TULP4: variants seen among roughly 807,000 people sequenced by gnomAD.
The protein encoded by TULP4 is TUB like protein 4, also known as tubby-related protein 4.
TULP4 carries 16 observed loss-of-function variants against 129.0 expected under a neutral mutation model. The observed-to-expected ratio is 0.12, with a 90% confidence interval of 0.08 to 0.19. The LOEUF is 0.19. TULP4 is among the 10% of genes least tolerant of loss of function. The pLI, the probability that TULP4 is intolerant of heterozygous loss-of-function variation, is 1.00. For synonymous variants in TULP4, 998 were observed against 854.0 expected (o/e 1.17, Z -2.94); for missense variants, 1,842 against 2,059.1 (o/e 0.89, Z 2.04).
intron 6 of TULP4, among the ~76,000 whole-genome samples, chr6:158,467,596 A>G (rs1308513406): frequency 6.6e-6 from 1 of 152,076 alleles, no homozygotes; most frequent in Non-Finnish European, 1.5e-5. Context: ...TTCCCTTTTA[A>G]ACTGTTCTTC....
At chr6:158,495,148 G>A (rs1398407063) in intron 11 of TULP4, among the ~76,000 whole-genome samples, 1 of 151,846 alleles carries the variant, frequency 6.6e-6, no homozygotes, top group African/African-American at 2.4e-5. Flanking sequence ...CTTGACCTGG[G>A]CTCAAGTGAT....
chr6:158,360,254 A>G (rs1348650190), intron 1 of TULP4, among the ~76,000 whole-genome samples: 1 of 151,838 alleles, frequency 6.6e-6, no homozygotes, highest in Non-Finnish European at 1.5e-5. Flanking sequence ...GTACAGTGTC[A>G]CTCCGGGTGT....
chr6:158,473,643 C>T (rs1017814388), intron 6 of TULP4, among the ~76,000 whole-genome samples: 1 of 152,098 alleles, frequency 6.6e-6, no homozygotes, highest in East Asian at 1.9e-4. Flanking sequence ...CTCAGCCTCC[C>T]GAGTAGCTGG....
At chr6:158,256,902 G>T (rs766273580) in intron 1 of TULP4, among the ~76,000 whole-genome samples, 17 of 152,164 alleles carry the variant, frequency 1.1e-4, no homozygotes, top group Non-Finnish European at 1.8e-4. Flanking sequence ...GGAGGGATTG[G>T]TGTTTCAGGT....
At chr6:158,294,734 C>T (rs9364479) in intron 1 of TULP4, among the ~76,000 whole-genome samples, 23,063 of 151,880 alleles carry the variant, frequency 0.15, 2,406 homozygotes, top group East Asian at 0.43. Context: ...CTTTCTTCTT[C>T]TTCTTCTTTT....
chr6:158,243,706 G>A (rs1018253872), intron 1 of TULP4, among the ~76,000 whole-genome samples: 5 of 151,954 alleles, frequency 3.3e-5, no homozygotes, highest in Non-Finnish European at 5.9e-5. Flanking sequence ...TTTTTTGTGA[G>A]GGCAGGATTA....
At chr6:158,284,840 C>T (rs1002700964) in intron 1 of TULP4, among the ~76,000 whole-genome samples, 3 of 152,142 alleles carry the variant, frequency 2.0e-5, no homozygotes, top group South Asian at 2.1e-4. Context: ...GTAACTTGCC[C>T]GAGGTGTGAG....
At chr6:158,302,152 G>C (rs1779143090) in intron 1 of TULP4, among the ~76,000 whole-genome samples, 1 of 152,142 alleles carries the variant, frequency 6.6e-6, no homozygotes, top group Non-Finnish European at 1.5e-5. Context: ...TGGGGAAATT[G>C]AGCTCAAAGT....
chr6:158,421,349 G>A (rs1227365638), intron 2 of TULP4, among the ~76,000 whole-genome samples: 5 of 140,954 alleles, frequency 3.5e-5, no homozygotes, highest in East Asian at 2.0e-4. Flanking sequence ...GCCACAGAGC[G>A]GGGCTCCGTC....
chr6:158,281,171 G>A (rs944982492), upstream of TULP4, among the ~76,000 whole-genome samples: 2 of 150,868 alleles, frequency 1.3e-5, no homozygotes, highest in African/African-American at 2.5e-5. Flanking sequence ...GTATCTCAGC[G>A]AGGTAATTCA....
chr6:158,439,181 T>A (rs938908825), intron 3 of TULP4, among the ~76,000 whole-genome samples: 39 of 125,304 alleles, frequency 3.1e-4, no homozygotes, highest in Non-Finnish European at 3.6e-4. Flanking sequence ...AAAAAAAAAA[T>A]AATAATAATT....
At position 158,511,109 on chromosome 6, in the gene TULP4, C is replaced by T. The variant is rs1462077881; in HGVS notation, c.*4415C>T. 6.6e-6 allele frequency: 1 copy of T among 152,538 alleles called. No individual in the cohort carries two copies. The highest frequency in any genetic ancestry group is 1.5e-5 in the Non-Finnish European group (1 of 68,016). The allele number at this position is 152,538 out of a possible 1,614,324, so 9.4% of individuals were successfully genotyped here. ...TTGTGGCTTACTTTGTTTCCATTTTCTTTGGCTTTGTGCAATTTTTGTGTA... is the reference window on the plus strand; with the variant it reads ...TTGTGGCTTACTTTGTTTCCATTTTTTTTGGCTTTGTGCAATTTTTGTGTA... On this transcript the variant is annotated 3_prime_UTR_variant, in exon 14 of 14. Transcript: ENST00000367097.
At chr6:158,435,677 C>T (rs751224430) in intron 3 of TULP4, among the ~76,000 whole-genome samples, 16 of 152,120 alleles carry the variant, frequency 1.1e-4, no homozygotes, top group Non-Finnish European at 1.6e-4. Flanking sequence ...CCGCGCTCAT[C>T]GCTCTTGTCC....
chr6:158,428,858 C>G (rs1388482810), intron 2 of TULP4, among the ~76,000 whole-genome samples: 1 of 152,194 alleles, frequency 6.6e-6, no homozygotes, highest in African/African-American at 2.4e-5. Context: ...TGAGTCTTCT[C>G]TGTAGATGAG....
At chr6:158,258,872 A>G (rs917238805) in intron 1 of TULP4, among the ~76,000 whole-genome samples, 1 of 152,182 alleles carries the variant, frequency 6.6e-6, no homozygotes, top group African/African-American at 2.4e-5. Flanking sequence ...TTGTGGCCAA[A>G]GTTTAACCAA....
Position 158,333,392 on chromosome 6 carries a change from T to G in TULP4, c.252+19124T>G, listed in dbSNP as rs544266538. 5.3e-5 allele frequency among the ~76,000 whole-genome samples: 8 copies of G among 152,230 alleles called. No individual in the cohort carries two copies. In the East Asian group the frequency reaches 1.5e-3, roughly 29 times the overall value. Reference sequence around the variant, plus strand: ...GTGGCCACCTATAAATGAGAAGAGCTCTCAGGGTGAAACCTACCTTGCCAG... The same window carrying G: ...GTGGCCACCTATAAATGAGAAGAGCGCTCAGGGTGAAACCTACCTTGCCAG... On this transcript the variant is annotated intron_variant, in intron 1 of 13. Coordinates refer to ENST00000367097, the MANE Select transcript of TULP4 (RefSeq NM_020245.5).
chr6:158,483,039 T>G (rs1314902890), intron 8 of TULP4, among the ~76,000 whole-genome samples: 2 of 152,260 alleles, frequency 1.3e-5, no homozygotes, highest in East Asian at 3.8e-4. Context: ...CAAAGCACAT[T>G]GACAGATATT....
rs1222146121 is a variant in TULP4 at position 158,503,857 on chromosome 6, G to C, written c.4194G>C (p.Lys1398Asn). 1 of 1,614,118 alleles carries C rather than the reference G, an allele frequency of 6.2e-7. No individual in the cohort carries two copies. The highest frequency in any genetic ancestry group is 8.5e-7 in the Non-Finnish European group (1 of 1,180,038). The change falls in exon 13 of 14, where the codon AAG becomes AAC. Residue 1398 changes from lysine (K) to asparagine (N), a missense_variant. By Grantham distance (94) the Lys-to-Asn change is moderately conservative (BLOSUM62 0). Transcript: ENST00000367097. This position sits in a 1 kb window ranked among gnomAD's most constrained non-coding sequence, Gnocchi z 4.3. ...KDQLKSKKLN[K>N]TNEFQDSSES... ...AACTGAAGTCAAAGAAGTTGAATAAGACAAACGAGTTCCAGGACAGCTCCG... is the reference window on the plus strand; with the variant it reads ...AACTGAAGTCAAAGAAGTTGAATAACACAAACGAGTTCCAGGACAGCTCCG...
chr6:158,452,083 AT>A, intron 4 of TULP4, 50 bp from the exon 5 acceptor site: 1 of 1,599,618 alleles, frequency 6.3e-7, no homozygotes, highest in Non-Finnish European at 8.5e-7. Flanking sequence ...GGGAACCTGG[AT>A]TTGGGTGGTG....
Sources: gnomAD v4.1 joint callset for allele counts (sites outside exome capture counted in the v4.1 genomes callset) on GRCh38, gnomAD v4.1.1 for gene constraint, Gnocchi (gnomAD v3.1) non-coding constraint, MANE v1.5 for transcripts, NCBI Gene and HGNC (gene_info 2026-07-23, HGNC 2026-07-21) for gene names.